SSUH2: variants seen among roughly 807,000 people sequenced by gnomAD.
The protein encoded by SSUH2 is ssu-2 homolog, also known as protein SSUH2 homolog.
Under a neutral mutation model 55.3 loss-of-function variants are expected in SSUH2, and 47 were observed. The ratio of observed to expected loss-of-function variants is 0.85; its 90% CI spans 0.67 to 1.08. The LOEUF (loss-of-function observed/expected upper bound fraction) is 1.08. Among genes scored for constraint, SSUH2 ranks in the 50% least tolerant of loss-of-function variants. The pLI is 0.00. For synonymous variants in SSUH2, 212 were observed against 191.5 expected, an observed-to-expected ratio of 1.11 and a Z score of -0.89; for missense variants, 535 against 490.7, an observed-to-expected ratio of 1.09 and a Z score of -0.85.
chr3:8,676,994 C>G (rs1194194197), intron 3 of SSUH2, among the ~76,000 whole-genome samples: 2 of 146,980 alleles, frequency 1.4e-5, no homozygotes, highest in Non-Finnish European at 3.0e-5. Context: ...AGTACCTCTT[C>G]CCCCCCTGGC....
At chr3:8,636,848 T>C (rs577390077) in intron 1 of SSUH2, among the ~76,000 whole-genome samples, 110 of 152,270 alleles carry the variant, frequency 7.2e-4, no homozygotes, top group Non-Finnish European at 1.5e-3. Context: ...CTTCCCTCAT[T>C]CCACCAATGA....
chr3:8,629,535 G>A lies in SSUH2; in HGVS notation c.588+129C>T, dbSNP rs1028467428. ...GACGGGAAAATGGAGGCCCAGAAAG[G>A]GAGGATGACTTGGCTGAGATGACAC... On this transcript the variant is annotated intron_variant, in intron 7 of 11. Coordinates refer to ENST00000544814, the MANE Select transcript of SSUH2 (RefSeq NM_001256748.3). The A allele has an allele frequency of 9.4e-6, 7 of 748,366 alleles. No homozygotes were observed. In the African/African-American group the frequency reaches 1.0e-4, roughly 11 times the overall value. 46.4% of individuals were successfully genotyped at this position (748,366 alleles called of 1,614,324 possible). A position where few individuals can be genotyped will look rare whatever the true frequency, so the allele number is the denominator to read the frequency against.
intron 11 of SSUH2, among the ~76,000 whole-genome samples, chr3:8,623,001 A>G (rs1244837568): frequency 2.6e-5 from 4 of 151,906 alleles, no homozygotes; most frequent in African/African-American, 9.7e-5. Context: ...TATCAGGCCA[A>G]CCTCCCACGT....
rs115274032 is a variant in SSUH2 at position 8,667,448 on chromosome 3, G to A, written c.-455+3550C>T. Among the ~76,000 whole-genome samples the A allele has an allele frequency of 8.9e-3, 1,348 of 152,226 alleles. 23 individuals carry two copies. Among genetic ancestry groups the A allele is most frequent in the African/African-American group, 0.03 (1,242 of 41,514 alleles). ...GTGCATTTTGGCTGGCTTCTTTACC[G>A]CACTTTATTTTATCAGCAGGGTCTT... On this transcript the variant is annotated intron_variant, in intron 5 of 18. Coordinates refer to the SSUH2 transcript ENST00000317371.
At chr3:8,622,848 C>T (rs555340593) in intron 11 of SSUH2, among the ~76,000 whole-genome samples, 16 of 152,092 alleles carry the variant, frequency 1.1e-4, no homozygotes, top group East Asian at 1.9e-4. Context: ...TGTCTTTTTT[C>T]GCAGGTGAGA....
At chr3:8,651,425 C>T (rs1702391718) in intron 7 of SSUH2, among the ~76,000 whole-genome samples, 2 of 152,256 alleles carry the variant, frequency 1.3e-5, no homozygotes, top group South Asian at 2.1e-4. Flanking sequence ...AAGGAAAGGA[C>T]TCGTTCAGGC....
intron 5 of SSUH2, chr3:8,670,986 C>A: frequency 2.4e-6 from 1 of 421,618 alleles, no homozygotes; most frequent in Non-Finnish European, 4.9e-6. Flanking sequence ...CGAATAATGT[C>A]AGAGAATGTA....
At chr3:8,622,725 C>G (rs1696690899) in intron 11 of SSUH2, among the ~76,000 whole-genome samples, 1 of 152,172 alleles carries the variant, frequency 6.6e-6, no homozygotes. Flanking sequence ...GATGTGCAGA[C>G]AGAGACAGAG....
In SSUH2 at chr3:8,663,375, G is replaced by A. The variant is rs769373457; in HGVS notation, c.-396+369C>T. Among the ~76,000 whole-genome samples, 3 of 152,252 alleles carry A rather than the reference G, an allele frequency of 2.0e-5. No individual in the cohort carries two copies. In the South Asian group the frequency reaches 6.2e-4, roughly 32 times the overall value. On this transcript the variant is annotated intron_variant, in intron 6 of 18. Transcript: ENST00000317371. ...GACATACAGAGAACAGCAATGCATG[G>A]GCTGAGCCCAAGGAAGTGCCTGGAA...
chr3:8,631,753 C>T (rs1200585522), intron 5 of SSUH2, among the ~76,000 whole-genome samples: 1 of 152,032 alleles, frequency 6.6e-6, no homozygotes, highest in African/African-American at 2.4e-5. Context: ...AATGCTTAGA[C>T]ACGCATGCTG....
chr3:8,680,823 G>T (rs1446542888), intron 1 of SSUH2, among the ~76,000 whole-genome samples: 2 of 152,064 alleles, frequency 1.3e-5, no homozygotes, highest in African/African-American at 4.8e-5. Context: ...TGCAGGGTGG[G>T]TGTACACCTC....
intron 2 of SSUH2, among the ~76,000 whole-genome samples, chr3:8,678,284 A>G (rs116060546): frequency 0.011 from 1,668 of 152,102 alleles, 27 homozygotes; most frequent in African/African-American, 0.037. Context: ...TCGGCCTTTG[A>G]ATATTGGGAA....
At chr3:8,679,714 T>C (rs902379453) in exon 2 of SSUH2, 9 of 194,342 alleles carry the variant, frequency 4.6e-5, no homozygotes, top group Non-Finnish European at 6.5e-5. Context: ...CCTGGAGGAC[T>C]GTGGGTATTA....
Position 8,679,145 on chromosome 3 carries a change from G to A in SSUH2, c.-901+560C>T, listed in dbSNP as rs560157640. ...CAAATTGCGGGGGGGAGGCACCCCC[G>A]CGAGGCGGGGACTGAGAGGCAGCCG... On this transcript the variant is annotated intron_variant, in intron 2 of 18. Transcript: ENST00000317371. Among the ~76,000 whole-genome samples, 22 of 85,090 alleles carry A rather than the reference G, an allele frequency of 2.6e-4. 5 individuals are homozygous for A. Among genetic ancestry groups the A allele is most frequent in the Non-Finnish European group, 3.6e-4 (14 of 38,910 alleles). The allele number at this position is 85,090 out of a possible 152,430, so 55.8% of individuals were successfully genotyped here. A position where few individuals can be genotyped will look rare whatever the true frequency, so the allele number is the denominator to read the frequency against.
chr3:8,629,070 C>A lies in SSUH2; in HGVS notation c.588+594G>T, dbSNP rs549071604. Among the ~76,000 whole-genome samples, 187 of 152,158 alleles carry A rather than the reference C, an allele frequency of 1.2e-3. 1 individual carries two copies. Among genetic ancestry groups the A allele is most frequent in the Middle Eastern group, 0.01 (3 of 294 alleles). ...GAGACGGGGTTTCACCGTGTTAGCC[C>A]AGATGGTCTCGATCTCTTGACCTCG... On this transcript the variant is annotated intron_variant, in intron 7 of 11. Transcript: ENST00000544814.
At chr3:8,667,025 A>C (rs1198229778) in intron 5 of SSUH2, among the ~76,000 whole-genome samples, 5 of 152,228 alleles carry the variant, frequency 3.3e-5, no homozygotes, top group African/African-American at 1.2e-4. Context: ...CTGGGAGTCC[A>C]CGCACGTTCT....
chr3:8,669,301 C>G (rs1704292321), intron 5 of SSUH2, among the ~76,000 whole-genome samples: 1 of 151,966 alleles, frequency 6.6e-6, no homozygotes, highest in East Asian at 1.9e-4. Flanking sequence ...TTTTTTATAA[C>G]CCAAAGAATA....
At position 8,626,217 on chromosome 3, in the gene SSUH2, A is replaced by C; in HGVS notation, c.767+12T>G. On this transcript the variant is annotated intron_variant, in intron 9 of 11. Transcript: ENST00000544814. The stretch of plus-strand genomic sequence containing the variant: ...CCCCCGCATGCCACAGCATTGAGAC[A>C]CTGCCACATACCACATGATGACAAG... 6.2e-7 allele frequency: 1 copy of C among 1,611,076 alleles called. No individual in the cohort carries two copies. Among genetic ancestry groups the C allele is most frequent in the Non-Finnish European group, 8.5e-7 (1 of 1,177,336 alleles).
At chr3:8,671,806 C>G (rs947466885) in intron 4 of SSUH2, 5 of 146,924 alleles carry the variant, frequency 3.4e-5, no homozygotes, top group African/African-American at 1.0e-4. Context: ...ATCACCCCCC[C>G]TCTCCCCACC....
Sources: allele counts gnomAD v4.1 joint callset (sites outside exome capture counted in the v4.1 genomes callset), GRCh38; gene constraint gnomAD v4.1.1; transcripts MANE v1.5; gene names NCBI Gene and HGNC (gene_info 2026-07-23, HGNC 2026-07-21).